Variants in CTNNA3 observed in about 807,000 individuals in gnomAD.
CTNNA3 encodes catenin alpha 3.
A neutral mutation model predicts 95.7 loss-of-function variants in CTNNA3; 76 were observed. The observed-to-expected ratio is 0.79, with a 90% confidence interval of 0.66 to 0.96. The LOEUF (loss-of-function observed/expected upper bound fraction) is 0.96. Among genes scored for constraint, CTNNA3 ranks in the 40% least tolerant of loss-of-function variants. The pLI is 0.00. For synonymous variants in CTNNA3, 431 were observed against 374.4 expected, an observed-to-expected ratio of 1.15 and a Z score of -1.74; for missense variants, 1,191 against 1,089.8, an observed-to-expected ratio of 1.09 and a Z score of -1.31.
At position 66,939,667 on chromosome 10, in the gene CTNNA3, T is replaced by C. The variant is rs558089391; in HGVS notation, c.1048-164143A>G. ...TACAGACCATCCATATCCCTTTTCATGTGAAGTATCTGTCAGCCTCTGGAC... is the reference window on the plus strand; with the variant it reads ...TACAGACCATCCATATCCCTTTTCACGTGAAGTATCTGTCAGCCTCTGGAC... On this transcript the variant is annotated intron_variant, in intron 7 of 17. Coordinates refer to ENST00000433211, the MANE Select transcript of CTNNA3 (RefSeq NM_013266.4). Among the ~76,000 whole-genome samples the C allele has an allele frequency of 9.6e-4, 147 of 152,346 alleles. 2 individuals are homozygous for C. Among genetic ancestry groups the C allele is most frequent in the African/African-American group, 3.2e-3 (135 of 41,590 alleles).
intron 11 of CTNNA3, among the ~76,000 whole-genome samples, chr10:66,481,474 T>C (rs968835371): frequency 8.6e-6 from 1 of 115,654 alleles, no homozygotes; most frequent in Non-Finnish European, 1.7e-5. Context: ...TTTTTTTTTT[T>C]TTTTTTTTTT....
intron 5 of CTNNA3, among the ~76,000 whole-genome samples, chr10:67,234,084 A>G (rs1169602921): frequency 6.6e-6 from 1 of 152,236 alleles, no homozygotes; most frequent in East Asian, 1.9e-4. Context: ...TACAAGAGGT[A>G]CAAGGAGGAA....
intron 3 of CTNNA3, among the ~76,000 whole-genome samples, chr10:67,552,857 T>G (rs1841082935): frequency 6.6e-6 from 1 of 152,186 alleles, no homozygotes; most frequent in Non-Finnish European, 1.5e-5. Context: ...CATTTCTTTT[T>G]ATGGCTGCAT....
At chr10:67,368,509 A>G (rs1028484711) in intron 5 of CTNNA3, among the ~76,000 whole-genome samples, 6 of 152,216 alleles carry the variant, frequency 3.9e-5, no homozygotes, top group African/African-American at 1.4e-4. Context: ...GCACTCCTAG[A>G]TATTTGCTCA....
intron 11 of CTNNA3, among the ~76,000 whole-genome samples, chr10:66,491,826 C>T (rs981638188): frequency 1.3e-5 from 2 of 152,128 alleles, no homozygotes; most frequent in African/African-American, 2.4e-5. Context: ...AAGATGTGAA[C>T]ACACATAAGG....
chr10:66,607,472 C>CAAAAAAAAAAAA (rs574854850), intron 10 of CTNNA3, among the ~76,000 whole-genome samples: 9 of 45,268 alleles, frequency 2.0e-4, no homozygotes, highest in Non-Finnish European at 2.3e-4. Context: ...CAGAGACAAC[C>CAAAAAAAAAAAA]AAAAAAAAAA....
In CTNNA3 at chr10:66,103,618, A is replaced by G. The variant is rs576546916; in HGVS notation, c.1885-369T>C. Among the ~76,000 whole-genome samples the G allele has an allele frequency of 2.8e-4, 43 of 152,344 alleles. 1 individual carries two copies. The highest frequency in any genetic ancestry group is 1.0e-3 in the African/African-American group (43 of 41,584). ...AACATCATCCTAAGTGAAGGGAGCCAGCCACAAAAGGCCACATATTGTATG... is the reference window on the plus strand; with the variant it reads ...AACATCATCCTAAGTGAAGGGAGCCGGCCACAAAAGGCCACATATTGTATG... On this transcript the variant is annotated intron_variant, in intron 13 of 17. Transcript: ENST00000433211.
At chr10:66,420,155 T>C (rs1259972775) in intron 11 of CTNNA3, among the ~76,000 whole-genome samples, 2 of 152,012 alleles carry the variant, frequency 1.3e-5, no homozygotes, top group Non-Finnish European at 2.9e-5. Context: ...ATATCCAGAG[T>C]ATATAAGATA....
chr10:67,754,290 A>AC lies in CTNNA3; in HGVS notation c.-2+9143dup, dbSNP rs1319796053. ...ATGGACACAGGGAGGGAAACAACACACACTAGAGCCTATCGGGGGGGCGTT... is the reference window on the plus strand; with the variant it reads ...ATGGACACAGGGAGGGAAACAACACACCACTAGAGCCTATCGGGGGGGCGTT... On this transcript the variant is annotated intron_variant, in intron 1 of 17. Coordinates refer to the CTNNA3 transcript ENST00000684154. 8.5e-5 allele frequency among the ~76,000 whole-genome samples: 13 copies of AC among 152,094 alleles called. No individual in the cohort carries two copies. The East Asian group carries it at 2.3e-3, about 27-fold the overall frequency.
chr10:66,630,150 G>C (rs1342775501), intron 9 of CTNNA3, among the ~76,000 whole-genome samples: 2 of 152,100 alleles, frequency 1.3e-5, no homozygotes, highest in African/African-American at 4.8e-5. Context: ...TAGTTCTTTG[G>C]GGAGTGAATG....
chr10:67,289,311 C>G (rs1158829185), intron 5 of CTNNA3, among the ~76,000 whole-genome samples: 2 of 152,066 alleles, frequency 1.3e-5, no homozygotes, highest in Non-Finnish European at 2.9e-5. Context: ...GCACCAGTTG[C>G]AAATAGCCTA....
chr10:67,279,450 T>C (rs941558402), intron 5 of CTNNA3, among the ~76,000 whole-genome samples: 2 of 151,908 alleles, frequency 1.3e-5, no homozygotes, highest in African/African-American at 4.8e-5. Context: ...CTTGAGGGCT[T>C]CAATATGTAA....
At chr10:67,632,321 A>AAAAC (rs1564796085) in intron 2 of CTNNA3, among the ~76,000 whole-genome samples, 66 of 151,772 alleles carry the variant, frequency 4.3e-4, no homozygotes, top group African/African-American at 1.5e-3. Context: ...TTAAAAAAAA[A>AAAAC]AAACACTCCT....
At chr10:66,264,914 G>A (rs1347970773) in intron 13 of CTNNA3, among the ~76,000 whole-genome samples, 2 of 152,106 alleles carry the variant, frequency 1.3e-5, no homozygotes, top group East Asian at 3.9e-4. Context: ...CTAAGAGCAA[G>A]CAAAACAATA....
chr10:66,837,368 T>C (rs1222531968), intron 7 of CTNNA3: 1 of 152,118 alleles, frequency 6.6e-6, no homozygotes, highest in Non-Finnish European at 1.5e-5. Flanking sequence ...AGATAACATG[T>C]CCATGTATCG....
intron 12 of CTNNA3, among the ~76,000 whole-genome samples, chr10:66,340,611 A>G (rs1212610015): frequency 6.6e-6 from 1 of 151,796 alleles, no homozygotes. Flanking sequence ...AACAGTTATT[A>G]AGCAATTGCA....
At chr10:66,199,776 TATATATATATATATATATATATATA>T (rs1564755636) in intron 13 of CTNNA3, among the ~76,000 whole-genome samples, 2 of 7,880 alleles carry the variant, frequency 2.5e-4, no homozygotes, top group African/African-American at 8.2e-4. Flanking sequence ...TATATATATA[TATATATATATATATATATATATATA>T]TATATTTTTT....
intron 5 of CTNNA3, among the ~76,000 whole-genome samples, chr10:67,448,240 A>G (rs1157810753): frequency 6.6e-6 from 1 of 152,218 alleles, no homozygotes; most frequent in East Asian, 1.9e-4. Context: ...GTGAAATATT[A>G]GAATATATGA....
intron 16 of CTNNA3, among the ~76,000 whole-genome samples, chr10:65,984,115 T>A (rs1169955533): frequency 6.6e-6 from 1 of 151,342 alleles, no homozygotes; most frequent in African/African-American, 2.4e-5. Flanking sequence ...TTTGACCTTC[T>A]GACACACCAG....
Sources: allele counts gnomAD v4.1 joint callset (sites outside exome capture counted in the v4.1 genomes callset), GRCh38; gene constraint gnomAD v4.1.1; transcripts MANE v1.5; gene names NCBI Gene and HGNC (gene_info 2026-07-23, HGNC 2026-07-21).